NSUN6: variants seen among roughly 807,000 people sequenced by gnomAD.
The protein encoded by NSUN6 is tRNA (cytosine(72)-C(5))-methyltransferase NSUN6.
NSUN6 carries 64 observed loss-of-function variants against 58.0 expected under a neutral mutation model. The observed-to-expected ratio is 1.10, with a 90% CI of 0.90 to 1.36. The LOEUF (loss-of-function observed/expected upper bound fraction) is 1.36. NSUN6 is among the 40% of genes most tolerant of loss of function. NSUN6 has a pLI of 0.00. For missense variants in NSUN6, 701 were observed against 550.1 expected (o/e 1.27, Z -2.74); for synonymous variants, 231 against 193.9 (o/e 1.19, Z -1.59).
At chr10:18,574,862 G>C (rs759460978) in intron 8 of NSUN6, among the ~76,000 whole-genome samples, 66 of 152,096 alleles carry the variant, frequency 4.3e-4, no homozygotes, top group Non-Finnish European at 6.8e-4. Context: ...AACAACTATT[G>C]TCCATGTTTC....
At chr10:18,570,399 A>G (rs2056274238) in intron 8 of NSUN6, among the ~76,000 whole-genome samples, 1 of 145,554 alleles carries the variant, frequency 6.9e-6, no homozygotes, top group Admixed American at 6.9e-5. Context: ...ACCATATTCC[A>G]TTCCATTCCC....
At chr10:18,573,540 T>C (rs1036367551) in intron 8 of NSUN6, among the ~76,000 whole-genome samples, 31 of 151,998 alleles carry the variant, frequency 2.0e-4, no homozygotes, top group African/African-American at 7.2e-4. Flanking sequence ...CATTCCCTTC[T>C]CCCACAGTCT....
intron 5 of NSUN6, among the ~76,000 whole-genome samples, chr10:18,610,962 G>C (rs944895617): frequency 1.3e-5 from 2 of 152,174 alleles, no homozygotes; most frequent in East Asian, 1.9e-4. Context: ...CCAGCACTTT[G>C]AGAGACTGGC....
chr10:18,566,366 A>ACATTC (rs2055943915), intron 8 of NSUN6, among the ~76,000 whole-genome samples: 1 of 141,416 alleles, frequency 7.1e-6, no homozygotes, highest in Non-Finnish European at 1.6e-5. Flanking sequence ...ATTCCACTCC[A>ACATTC]CATTCCATTC....
At chr10:18,582,748 C>T (rs2056961613) in intron 8 of NSUN6, among the ~76,000 whole-genome samples, 1 of 152,118 alleles carries the variant, frequency 6.6e-6, no homozygotes, top group South Asian at 2.1e-4. Flanking sequence ...ACAAAGTGAG[C>T]CCTGCGAAAA....
intron 3 of NSUN6, among the ~76,000 whole-genome samples, chr10:18,621,364 G>T (rs539987615): frequency 6.6e-6 from 1 of 152,178 alleles, no homozygotes; most frequent in African/African-American, 2.4e-5. Flanking sequence ...AATCATAGCC[G>T]TAAGTACAAG....
chr10:18,605,522 A>T (rs1347436154), intron 6 of NSUN6, among the ~76,000 whole-genome samples: 1 of 152,228 alleles, frequency 6.6e-6, no homozygotes, highest in Non-Finnish European at 1.5e-5. Context: ...AATTTGAATT[A>T]GGAGCAGGAT....
chr10:18,612,237 G>A (rs1250759210), intron 5 of NSUN6, among the ~76,000 whole-genome samples: 1 of 151,918 alleles, frequency 6.6e-6, no homozygotes, highest in Admixed American at 6.6e-5. Context: ...GGGCAACATG[G>A]CAAGACCCCC....
intron 3 of NSUN6, among the ~76,000 whole-genome samples, chr10:18,636,570 C>A (rs913866110): frequency 1.4e-4 from 21 of 151,930 alleles, no homozygotes; most frequent in African/African-American, 4.8e-4. Context: ...ACTCCAGGAA[C>A]CTCCTCATTT....
chr10:18,655,247 G>A, upstream of NSUN6: 1 of 584,324 alleles, frequency 1.7e-6, no homozygotes, highest in Non-Finnish European at 2.2e-6. Context: ...GTTTAGCAGG[G>A]TTCCTGGGCA....
intron 7 of NSUN6, among the ~76,000 whole-genome samples, chr10:18,588,888 G>A (rs2057273949): frequency 6.6e-6 from 1 of 152,148 alleles, no homozygotes; most frequent in Non-Finnish European, 1.5e-5. Flanking sequence ...CTCCTCTCCA[G>A]CAAGGGCACA....
At chr10:18,611,582 C>A (rs747877166) in intron 5 of NSUN6, among the ~76,000 whole-genome samples, 1 of 152,064 alleles carries the variant, frequency 6.6e-6, no homozygotes, top group African/African-American at 2.4e-5. Flanking sequence ...CAGGCTGGAG[C>A]GCAGTGGCAC....
chr10:18,621,018 G>C (rs974546882), intron 3 of NSUN6, among the ~76,000 whole-genome samples: 3 of 152,194 alleles, frequency 2.0e-5, no homozygotes, highest in African/African-American at 7.2e-5. Flanking sequence ...TGCTTACAAG[G>C]CTGGCCCTTG....
At chr10:18,586,117 A>G (rs1372708345) in intron 7 of NSUN6, 24 bp from the exon 8 acceptor site, 3 of 1,499,788 alleles carry the variant, frequency 2.0e-6, no homozygotes, top group African/African-American at 2.9e-5. Context: ...AAACACACAC[A>G]TGCAGAAAAA....
At chr10:18,617,793 G>A (rs995077397) in intron 3 of NSUN6, among the ~76,000 whole-genome samples, 4 of 152,114 alleles carry the variant, frequency 2.6e-5, no homozygotes, top group African/African-American at 7.2e-5. Context: ...AGCTGTTCAG[G>A]TCATGAGTGC....
intron 3 of NSUN6, among the ~76,000 whole-genome samples, chr10:18,638,947 T>TA (rs35673571): frequency 0.4 from 43,058 of 106,798 alleles, 9,307 homozygotes; most frequent in East Asian, 0.62. Context: ...TTGACAATGT[T>TA]AAAAAAAAAA....
chr10:18,600,823 G>A (rs1347817211), intron 6 of NSUN6, among the ~76,000 whole-genome samples: 1 of 149,736 alleles, frequency 6.7e-6, no homozygotes, highest in African/African-American at 2.5e-5. Flanking sequence ...AGCTACTTAG[G>A]AGGCTAAGGC....
chr10:18,642,810 G>A (rs1278380776), intron 2 of NSUN6, among the ~76,000 whole-genome samples: 4 of 152,010 alleles, frequency 2.6e-5, no homozygotes, highest in African/African-American at 7.3e-5. Context: ...AACACAAACC[G>A]TGGTTACCCT....
In NSUN6 at chr10:18,651,380, C is replaced by T; in HGVS notation, c.-177G>A. The T allele has an allele frequency of 2.3e-6, 3 of 1,308,990 alleles. No individual in the cohort carries two copies. The highest frequency in any genetic ancestry group is 2.9e-6 in the Non-Finnish European group (3 of 1,032,670). The allele number at this position is 1,308,990 out of a possible 1,614,324, so 81.1% of individuals were successfully genotyped here. A position where few individuals can be genotyped will look rare whatever the true frequency, so the allele number is the denominator to read the frequency against. ...AGGTACACGCTTTCTCAAGCCTAGCCGATTAGAAGGGGCTGCCGGGCTTCC... is the reference window on the plus strand; with the variant it reads ...AGGTACACGCTTTCTCAAGCCTAGCTGATTAGAAGGGGCTGCCGGGCTTCC... On this transcript the variant is annotated 5_prime_UTR_variant, in exon 1 of 11. Coordinates refer to ENST00000377304, the MANE Select transcript of NSUN6 (RefSeq NM_182543.5).
Sources: allele counts gnomAD v4.1 joint callset (sites outside exome capture counted in the v4.1 genomes callset), GRCh38; gene constraint gnomAD v4.1.1; transcripts MANE v1.5; gene names NCBI Gene and HGNC (gene_info 2026-07-23, HGNC 2026-07-21).